Variants in HLA-DQB2 observed in about 807,000 individuals in gnomAD.
HLA-DQB2 encodes major histocompatibility complex, class II, DQ beta 2.
A neutral mutation model predicts 29.2 loss-of-function variants in HLA-DQB2; 24 were observed. That is an observed-to-expected ratio of 0.82 (90% CI 0.60 to 1.16). HLA-DQB2 has a LOEUF of 1.16. Ranked by LOEUF, HLA-DQB2 falls within the 50% of genes most tolerant of loss-of-function variation. HLA-DQB2 has a pLI of 0.00. For missense variants in HLA-DQB2, 273 were observed against 343.6 expected (o/e 0.79, Z 1.62); for synonymous variants, 104 against 133.1 (o/e 0.78, Z 1.51).
intron 1 of HLA-DQB2, 71 bp from the exon 2 acceptor site, chr6:32,761,997 C>T: frequency 1.9e-6 from 3 of 1,546,694 alleles, no homozygotes; most frequent in Non-Finnish European, 2.6e-6. Context: ...CGGACCGCAC[C>T]CTTCAGCCGC....
At chr6:32,760,777 C>A (rs4248169) in intron 2 of HLA-DQB2, among the ~76,000 whole-genome samples, 83,675 of 149,894 alleles carry the variant, frequency 0.56, 20,137 homozygotes, top group East Asian at 0.64. Context: ...ACCATTCAAG[C>A]GTTGTTTTTA....
chr6:32,756,942 T>C (rs3213485), intron 5 of HLA-DQB2: 666,897 of 1,186,780 alleles, frequency 0.56, 189,613 homozygotes, highest in East Asian at 0.77. Context: ...TGGCAAACTT[T>C]TCCCCTAAGT....
chr6:32,760,799 C>A (rs185835704), intron 2 of HLA-DQB2, among the ~76,000 whole-genome samples: 3,899 of 148,570 alleles, frequency 0.026, 41 homozygotes, highest in African/African-American at 0.087. Flanking sequence ...TTTCAGCAAA[C>A]ACCTTTTTCC....
chr6:32,759,782 T>C (rs769798839), intron 2 of HLA-DQB2, among the ~76,000 whole-genome samples: 5 of 152,288 alleles, frequency 3.3e-5, no homozygotes, highest in Non-Finnish European at 5.9e-5. Flanking sequence ...ACGTTCTCCA[T>C]AGGAAATATT....
Position 32,761,548 on chromosome 6 carries a change from C to T in HLA-DQB2, c.364+112G>A, listed in dbSNP as rs1034803834. 6 of 1,239,044 alleles carry T rather than the reference C, an allele frequency of 4.8e-6. No individual in the cohort carries two copies. In the African/African-American group the frequency reaches 7.6e-5, roughly 16 times the overall value. 76.8% of individuals were successfully genotyped at this position (1,239,044 alleles called of 1,614,324 possible). A position where few individuals can be genotyped will look rare whatever the true frequency, so the allele number is the denominator to read the frequency against. ...CAAATCCCCGCCACCTTCCTGTACC[C>T]TGGGATGGATCAGGGCTCGGTCCTT... On this transcript the variant is annotated intron_variant, in intron 2 of 5. Transcript: ENST00000437316.
chr6:32,756,983 AAC>A, intron 5 of HLA-DQB2: 1 of 1,278,516 alleles, frequency 7.8e-7, no homozygotes, highest in South Asian at 2.2e-5. Context: ...ACAGGCCATG[AAC>A]AGAGACCACT....
intron 4 of HLA-DQB2, 46 bp from the exon 5 acceptor site, chr6:32,757,350 C>T: frequency 7.4e-7 from 1 of 1,354,360 alleles, no homozygotes; most frequent in South Asian, 1.3e-5. Context: ...AAACAAACAA[C>T]CACTATCTTA....
intron 5 of HLA-DQB2, chr6:32,757,079 G>C: frequency 7.0e-7 from 1 of 1,422,200 alleles, no homozygotes; most frequent in South Asian, 1.5e-5. Context: ...GAGTGCAGTG[G>C]CGCCATCTTG....
chr6:32,756,234 T>G lies in HLA-DQB2; in HGVS notation c.*219A>C. ...CCCTTGGGGCCTGAGTAGACACAGC[T>G]TGCAGTGCACAGGCAGAGGCTCTGG... On this transcript the variant is annotated 3_prime_UTR_variant, in exon 6 of 6. Coordinates refer to ENST00000437316, the MANE Select transcript of HLA-DQB2 (RefSeq NM_001300790.2). 1.8e-6 allele frequency: 1 copy of G among 568,282 alleles called. No homozygotes were observed. Among genetic ancestry groups the G allele is most frequent in the Non-Finnish European group, 3.2e-6 (1 of 316,982 alleles). The allele number at this position is 568,282 out of a possible 1,614,324, so 35.2% of individuals were successfully genotyped here. A position where few individuals can be genotyped will look rare whatever the true frequency, so the allele number is the denominator to read the frequency against.
chr6:32,758,964 C>T lies in HLA-DQB2; in HGVS notation c.532G>A (p.Gly178Ser). Residue 178 changes from glycine to serine, a missense_variant, in exon 3 of 6, where the codon GGT becomes AGT. By Grantham distance (56) the Gly-to-Ser change is moderately conservative. Transcript: ENST00000437316. ...GVVSTSLIRN[G>S]DWTFQILVML... is the part of the protein sequence containing the mutation. ...ACCAGAATCTGGAAGGTCCAGTCAC[C>T]ATTCCTAATGAGGGAGGTGGACACA... 1 of 1,614,242 alleles carries T rather than the reference C, an allele frequency of 6.2e-7. No homozygotes were observed. Among genetic ancestry groups the T allele is most frequent in the Non-Finnish European group, 8.5e-7 (1 of 1,180,044 alleles).
At chr6:32,757,037 T>TTTTA in intron 5 of HLA-DQB2, 1 of 1,380,582 alleles carries the variant, frequency 7.2e-7, no homozygotes, top group Non-Finnish European at 9.3e-7. Context: ...TTTTTTTTTT[T>TTTTA]GAGACAGACT....
Position 32,761,704 on chromosome 6 carries a change from C to G in HLA-DQB2, c.320G>C (p.Arg107Thr). 2 of 1,552,876 alleles carry G rather than the reference C, an allele frequency of 1.3e-6. No individual in the cohort carries two copies. The highest frequency in any genetic ancestry group is 1.7e-6 in the Non-Finnish European group (2 of 1,148,104). ...QERAAVDKVC[R>T]HNYEAELRTT... The stretch of plus-strand genomic sequence containing the variant: ...GCGCAGCTCCGCCTCGTAGTTGTGT[C>G]TGCACACCTTGTCCACCGCGGCCCG... The change falls in exon 2 of 6, where the codon AGA becomes ACA. Residue 107 changes from arginine (R) to threonine (T), a missense_variant. Arg to Thr is a moderately conservative substitution (Grantham distance 71). Coordinates refer to ENST00000437316, the MANE Select transcript of HLA-DQB2 (RefSeq NM_001300790.2).
At chr6:32,763,262 G>T (rs1489548919) in intron 1 of HLA-DQB2, 112 bp downstream of exon 1, 2 of 641,146 alleles carry the variant, frequency 3.1e-6, no homozygotes, top group Admixed American at 2.8e-5. Context: ...AGAATAAATG[G>T]TGATAAAAGA....
At chr6:32,758,595 G>C (rs568560749) in intron 3 of HLA-DQB2, among the ~76,000 whole-genome samples, 2 of 152,280 alleles carry the variant, frequency 1.3e-5, no homozygotes, top group African/African-American at 4.8e-5. Context: ...AAATTACTCA[G>C]TCTCAGAGAT....
chr6:32,756,372 C>T lies in HLA-DQB2; in HGVS notation c.*81G>A. On this transcript the variant is annotated 3_prime_UTR_variant, in exon 6 of 6. Coordinates refer to ENST00000437316, the MANE Select transcript of HLA-DQB2 (RefSeq NM_001300790.2). ...CTGACCTCAGTGGGACAGGGTGACA[C>T]AGGCAGCTAGGAATTCTGGGCAGGG... is the stretch of plus-strand genomic sequence containing the variant. 1.1e-6 allele frequency: 1 copy of T among 885,096 alleles called. No individual in the cohort carries two copies. 54.8% of individuals were successfully genotyped at this position (885,096 alleles called of 1,614,324 possible).
At chr6:32,758,330 G>A (rs914684984) in intron 3 of HLA-DQB2, among the ~76,000 whole-genome samples, 1 of 152,098 alleles carries the variant, frequency 6.6e-6, no homozygotes, top group Admixed American at 6.5e-5. Context: ...ATGAGATCTG[G>A]TTATGTAAAA....
At position 32,758,831 on chromosome 6, in the gene HLA-DQB2, G is replaced by T. The variant is rs201305712; in HGVS notation, c.646+19C>A. On this transcript the variant is annotated intron_variant, in intron 3 of 5. Coordinates refer to ENST00000437316, the MANE Select transcript of HLA-DQB2 (RefSeq NM_001300790.2). ...TGTCTTGTGGGGCCCACAGTAAAAG[G>T]AAACCAGTTTCCCCTTACGCCACTC... 3 of 1,593,290 alleles carry T rather than the reference G, an allele frequency of 1.9e-6. No individual in the cohort carries two copies. Among genetic ancestry groups the T allele is most frequent in the Non-Finnish European group, 2.6e-6 (3 of 1,168,416 alleles).
chr6:32,762,264 G>A (rs569048706), intron 1 of HLA-DQB2, among the ~76,000 whole-genome samples: 3 of 152,328 alleles, frequency 2.0e-5, no homozygotes, highest in Non-Finnish European at 4.4e-5. Flanking sequence ...AGATCAGGGC[G>A]TTCTCGTATG....
chr6:32,756,479 G>C lies in HLA-DQB2; in HGVS notation c.782-13C>G, dbSNP rs1440725610. The C allele has an allele frequency of 6.4e-7, 1 of 1,572,754 alleles. No individual in the cohort carries two copies. Among genetic ancestry groups the C allele is most frequent in the African/African-American group, 1.4e-5 (1 of 73,936 alleles). Reference sequence around the variant, plus strand: ...CAGTGCAGGAGTCCTGGAGAAGAGAGACGAGGCATGATCAGCACAGGGTAC... The same window carrying C: ...CAGTGCAGGAGTCCTGGAGAAGAGACACGAGGCATGATCAGCACAGGGTAC... On this transcript the variant is annotated splice_polypyrimidine_tract_variant and intron_variant, in intron 5 of 5. Coordinates refer to ENST00000437316, the MANE Select transcript of HLA-DQB2 (RefSeq NM_001300790.2).
Sources: allele counts gnomAD v4.1 joint callset (sites outside exome capture counted in the v4.1 genomes callset), GRCh38; gene constraint gnomAD v4.1.1; transcripts MANE v1.5; gene names NCBI Gene and HGNC (gene_info 2026-07-23, HGNC 2026-07-21).